The following FGF12 variants were observed in gnomAD, a reference collection of about 807,000 sequenced individuals.
The protein encoded by FGF12 is fibroblast growth factor 12B.
Under a neutral mutation model 23.6 loss-of-function variants are expected in FGF12, and 14 were observed. The observed-to-expected ratio is 0.59, with a 90% CI of 0.39 to 0.93. FGF12 has a LOEUF of 0.93. Among genes scored for constraint, FGF12 ranks in the 40% least tolerant of loss-of-function variants. The probability of loss-of-function intolerance (pLI) is 0.00; values close to 1 mark genes in which losing one functional copy is unlikely to be tolerated. For synonymous variants in FGF12, 62 were observed against 77.3 expected (o/e 0.80, Z 1.04); for missense variants, 175 against 217.8 (o/e 0.80, Z 1.24).
intron 2 of FGF12, among the ~76,000 whole-genome samples, chr3:192,461,050 A>G (rs1434171056): frequency 1.3e-5 from 2 of 152,198 alleles, no homozygotes; most frequent in Admixed American, 1.3e-4. Context: ...GATCTGTTTC[A>G]AGTAATGTTT....
At chr3:192,527,198 T>C (rs994576320) in intron 2 of FGF12, among the ~76,000 whole-genome samples, 1 of 152,194 alleles carries the variant, frequency 6.6e-6, no homozygotes, top group Non-Finnish European at 1.5e-5. Context: ...CCTTCTGCTA[T>C]GATATGACAC....
chr3:192,334,954 G>C (rs1204560215), intron 4 of FGF12, among the ~76,000 whole-genome samples: 1 of 151,962 alleles, frequency 6.6e-6, no homozygotes, highest in African/African-American at 2.4e-5. Context: ...AATTATGAAC[G>C]TTTTTTTCTC....
intron 4 of FGF12, among the ~76,000 whole-genome samples, chr3:192,279,812 G>C (rs1403658984): frequency 6.6e-6 from 1 of 152,156 alleles, no homozygotes; most frequent in Non-Finnish European, 1.5e-5. Flanking sequence ...TTTCCATGTC[G>C]ATTAAATTAA....
At chr3:192,532,609 T>G (rs1201300092) in intron 2 of FGF12, among the ~76,000 whole-genome samples, 2 of 152,162 alleles carry the variant, frequency 1.3e-5, no homozygotes, top group African/African-American at 4.8e-5. Context: ...GTACCAAACT[T>G]TTGATGCTTG....
intron 4 of FGF12, among the ~76,000 whole-genome samples, chr3:192,287,344 A>AC (rs1209525107): frequency 6.6e-6 from 1 of 152,024 alleles, no homozygotes; most frequent in East Asian, 1.9e-4. Context: ...ATCAGGGAGG[A>AC]ACCGTGTCTT....
chr3:192,356,070 G>C (rs990094540), intron 3 of FGF12, among the ~76,000 whole-genome samples: 3 of 151,932 alleles, frequency 2.0e-5, no homozygotes, highest in Non-Finnish European at 4.4e-5. Flanking sequence ...TTATAATTTG[G>C]TGCCACATAC....
chr3:192,457,419 T>C (rs562498451), intron 2 of FGF12, among the ~76,000 whole-genome samples: 2 of 152,234 alleles, frequency 1.3e-5, no homozygotes, highest in East Asian at 1.9e-4. Context: ...ATGCTGATAG[T>C]GATATGAACA....
chr3:192,276,856 G>A (rs1403170033), intron 4 of FGF12, among the ~76,000 whole-genome samples: 1 of 152,148 alleles, frequency 6.6e-6, no homozygotes, highest in Non-Finnish European at 1.5e-5. Context: ...TCAGAAGAAA[G>A]GAATACGTAC....
At chr3:192,565,695 T>A (rs985424098) in intron 2 of FGF12, among the ~76,000 whole-genome samples, 6 of 152,208 alleles carry the variant, frequency 3.9e-5, no homozygotes, top group African/African-American at 1.4e-4. Context: ...TATAGTAGGC[T>A]ATATGATCTA....
intron 4 of FGF12, among the ~76,000 whole-genome samples, chr3:192,217,449 C>T (rs76353644): frequency 0.027 from 4,064 of 152,148 alleles, 185 homozygotes; most frequent in African/African-American, 0.093. Flanking sequence ...AAGAAGTGGG[C>T]ACAAGAGTTT....
chr3:192,527,792 G>A (rs1003397935), intron 2 of FGF12, among the ~76,000 whole-genome samples: 13 of 152,138 alleles, frequency 8.5e-5, no homozygotes, highest in Non-Finnish European at 1.8e-4. Context: ...CACGTGGCTG[G>A]GGAGGCCTTA....
chr3:192,499,141 A>G lies in FGF12; in HGVS notation c.14-138603T>C, dbSNP rs1017745825. Among the ~76,000 whole-genome samples the G allele has an allele frequency of 2.4e-4, 36 of 152,236 alleles. 1 individual carries two copies. The highest frequency in any genetic ancestry group is 7.7e-4 in the African/African-American group (32 of 41,544). On this transcript the variant is annotated intron_variant, in intron 2 of 5. Transcript: ENST00000445105. ...ATACTAAATAAGTTATATCTGTGTC[A>G]TGCTTTTTATATTTTACGCTTTGGA...
intron 4 of FGF12, among the ~76,000 whole-genome samples, chr3:192,239,078 T>C (rs772610815): frequency 6.6e-6 from 1 of 152,200 alleles, no homozygotes; most frequent in Non-Finnish European, 1.5e-5. Flanking sequence ...CTAGTCTTCA[T>C]ACTTACGAAA....
intron 4 of FGF12, among the ~76,000 whole-genome samples, chr3:192,212,281 A>G (rs1717970903): frequency 6.6e-6 from 1 of 152,236 alleles, no homozygotes; most frequent in African/African-American, 2.4e-5. Flanking sequence ...CTAGAAACAA[A>G]TATATTGATA....
intron 2 of FGF12, among the ~76,000 whole-genome samples, chr3:192,614,864 C>T (rs952401004): frequency 5.3e-5 from 8 of 151,964 alleles, no homozygotes; most frequent in African/African-American, 1.9e-4. Flanking sequence ...CACTTCCAGC[C>T]TTCTAAGTAC....
At chr3:192,677,705 A>G (rs1717378063) in intron 2 of FGF12, among the ~76,000 whole-genome samples, 1 of 152,170 alleles carries the variant, frequency 6.6e-6, no homozygotes, top group Admixed American at 6.5e-5. Context: ...ATATTTTTCA[A>G]TGCAAGCTGC....
intron 3 of FGF12, among the ~76,000 whole-genome samples, chr3:192,357,474 C>T (rs991096792): frequency 6.6e-6 from 1 of 151,402 alleles, no homozygotes; most frequent in Non-Finnish European, 1.5e-5. Flanking sequence ...GAGTGAGACT[C>T]CATCTCAAAA....
At chr3:192,167,368 G>C (rs907934030) in intron 5 of FGF12, among the ~76,000 whole-genome samples, 1 of 151,878 alleles carries the variant, frequency 6.6e-6, no homozygotes, top group South Asian at 2.1e-4. Context: ...TGGATCATGG[G>C]CAGAAGGGCA....
chr3:192,698,393 C>G (rs1380076518), intron 2 of FGF12, among the ~76,000 whole-genome samples: 1 of 152,142 alleles, frequency 6.6e-6, no homozygotes, highest in Non-Finnish European at 1.5e-5. Context: ...AGGCCCTTTC[C>G]TAGCCTCAGT....
Sources: gnomAD v4.1 joint callset for allele counts (sites outside exome capture counted in the v4.1 genomes callset) on GRCh38, gnomAD v4.1.1 for gene constraint, MANE v1.5 for transcripts, NCBI Gene and HGNC (gene_info 2026-07-23, HGNC 2026-07-21) for gene names.